Variants in KCNJ5 observed in about 807,000 individuals in gnomAD.
KCNJ5 encodes the protein G protein-activated inward rectifier potassium channel 4.
A neutral mutation model predicts 20.2 loss-of-function variants in KCNJ5; 12 were observed. That is an observed-to-expected ratio of 0.59 (90% CI 0.38 to 0.96). KCNJ5 has a LOEUF of 0.96. Ranked by LOEUF, KCNJ5 falls within the 40% of genes least tolerant of loss-of-function variation. The pLI is 0.00. For synonymous variants in KCNJ5, 210 were observed against 213.9 expected, an observed-to-expected ratio of 0.98 and a Z score of 0.16; for missense variants, 449 against 557.6, an observed-to-expected ratio of 0.81 and a Z score of 1.96.
chr11:128,905,229 C>T (rs1944381342), intron 1 of KCNJ5, among the ~76,000 whole-genome samples: 3 of 152,180 alleles, frequency 2.0e-5, no homozygotes. Context: ...GACAGGGCCT[C>T]TGTCTCCCCT....
chr11:128,904,386 CT>C (rs1944354422), intron 1 of KCNJ5: 6 of 1,610,772 alleles, frequency 3.7e-6, no homozygotes, highest in African/African-American at 1.3e-5. Flanking sequence ...AGACCAGGAA[CT>C]CCTTGCGGAC....
rs144062083 is a variant in KCNJ5, at chr11:128,911,428, G to A, written c.155G>A (p.Arg52His). 6.4e-5 allele frequency: 103 copies of A among 1,614,108 alleles called. No homozygotes were observed. The highest frequency in any genetic ancestry group is 8.6e-5 in the Non-Finnish European group (101 of 1,180,048). Reference sequence around the variant, plus strand: ...GCCGAGGGCAAGAAGCCACGCCAGCGCTACATGGAGAAGAGTGGCAAGTGC... The same window carrying A: ...GCCGAGGGCAAGAAGCCACGCCAGCACTACATGGAGAAGAGTGGCAAGTGC... The part of the protein sequence containing the change: ...LLAEGKKPRQ[R>H]YMEKSGKCNV... The change falls in exon 2 of 3, where the codon CGC (arginine) becomes CAC (histidine). Residue 52 changes from arginine (R) to histidine (H), a missense_variant. Arg to His is a conservative substitution (Grantham distance 29). Transcript: ENST00000529694. This position sits in a 1 kb window ranked among gnomAD's most constrained non-coding sequence, Gnocchi z 6.3.
At chr11:128,902,757 C>G in intron 1 of KCNJ5, 2 of 1,558,634 alleles carry the variant, frequency 1.3e-6, no homozygotes, top group African/African-American at 1.4e-5. Flanking sequence ...TTCAGTGGCA[C>G]TACCACAACT....
At chr11:128,898,038 G>A (rs1034882563) in intron 1 of KCNJ5, among the ~76,000 whole-genome samples, 2 of 152,174 alleles carry the variant, frequency 1.3e-5, no homozygotes, top group African/African-American at 4.8e-5. Flanking sequence ...CACATAGTCT[G>A]GAGTTTCCTC....
intron 1 of KCNJ5, among the ~76,000 whole-genome samples, chr11:128,905,323 A>G (rs954646242): frequency 6.6e-6 from 1 of 151,354 alleles, no homozygotes; most frequent in South Asian, 2.1e-4. Flanking sequence ...GCAGCTGGCC[A>G]GGGGGCCACA....
intron 1 of KCNJ5, among the ~76,000 whole-genome samples, chr11:128,893,939 C>T (rs1032509511): frequency 1.3e-5 from 2 of 152,228 alleles, no homozygotes; most frequent in African/African-American, 2.4e-5. Context: ...AAGCAAAATC[C>T]CTTTGGGGCT....
chr11:128,911,356 A>G lies in KCNJ5; in HGVS notation c.83A>G (p.Gln28Arg). 4 of 1,614,206 alleles carry G rather than the reference A, an allele frequency of 2.5e-6. No homozygotes were observed. Among genetic ancestry groups the G allele is most frequent in the Non-Finnish European group, 3.4e-6 (4 of 1,180,042 alleles). Reference protein sequence around the residue: ...TPWDPKKIPKQARDYVPIATD... With the variant: ...TPWDPKKIPKRARDYVPIATD... ...TGGGACCCCAAGAAGATTCCAAAAC[A>G]GGCCCGCGATTATGTCCCCATTGCC... Residue 28 changes from glutamine (Q) to arginine (R), a missense_variant, in exon 2 of 3, where the codon CAG becomes CGG. Around this residue, in one of 5 missense-constraint regions of KCNJ5, gnomAD observed 203 missense variants for 258.0 expected, o/e 0.79. Coordinates refer to ENST00000529694, the MANE Select transcript of KCNJ5 (RefSeq NM_000890.5). This position sits in a 1 kb window ranked among gnomAD's most constrained non-coding sequence, Gnocchi z 6.3.
chr11:128,904,694 C>T (rs1332675922), intron 1 of KCNJ5: 4 of 616,200 alleles, frequency 6.5e-6, no homozygotes, highest in South Asian at 3.7e-5. Context: ...GTGAGTCGAC[C>T]TCCTTCTATC....
chr11:128,910,802 T>A (rs11221510), intron 1 of KCNJ5, among the ~76,000 whole-genome samples: 29,518 of 152,194 alleles, frequency 0.19, 3,576 homozygotes, highest in Non-Finnish European at 0.28. Context: ...ACTGTTTGAA[T>A]TAAGCCTGAT....
At chr11:128,892,959 T>G (rs1490831131) in intron 1 of KCNJ5, among the ~76,000 whole-genome samples, 1 of 152,218 alleles carries the variant, frequency 6.6e-6, no homozygotes, top group Non-Finnish European at 1.5e-5. Flanking sequence ...AAAACTCTTG[T>G]CCTCTGGCTT....
Position 128,911,075 on chromosome 11 carries a change from T to C in KCNJ5, c.-10-189T>C. On this transcript the variant is annotated intron_variant, in intron 1 of 2. Coordinates refer to ENST00000529694, the MANE Select transcript of KCNJ5 (RefSeq NM_000890.5). The surrounding 1 kb of genome is among the most constrained non-coding windows in gnomAD (Gnocchi z 6.3). ...AGCATCTATTTTGTGCTAGACTCTG[T>C]ACTAGGCACCAGGGATACAAAAGAA... is the stretch of plus-strand genomic sequence containing the variant. 1 of 612,492 alleles carries C rather than the reference T, an allele frequency of 1.6e-6. No individual in the cohort carries two copies. The allele number at this position is 612,492 out of a possible 1,614,324, so 37.9% of individuals were successfully genotyped here. A position where few individuals can be genotyped will look rare whatever the true frequency, so the allele number is the denominator to read the frequency against.
chr11:128,895,031 T>TGG (rs1338342489), intron 1 of KCNJ5, among the ~76,000 whole-genome samples: 4 of 151,978 alleles, frequency 2.6e-5, no homozygotes, highest in African/African-American at 9.7e-5. Context: ...GCAACGGCAC[T>TGG]TCCTGGTCAC....
At chr11:128,905,094 C>T (rs1454420196) in intron 1 of KCNJ5, among the ~76,000 whole-genome samples, 2 of 152,238 alleles carry the variant, frequency 1.3e-5, no homozygotes, top group African/African-American at 4.8e-5. Context: ...TCCTGTCCAC[C>T]GGTGTGGCTT....
rs377321127 is a variant in KCNJ5 at position 128,912,047 on chromosome 11, C to T, written c.774C>T (p.Asn258=). 4.3e-6 allele frequency: 7 copies of T among 1,613,866 alleles called. No homozygotes were observed. The highest frequency in any genetic ancestry group is 2.7e-5 in the African/African-American group (2 of 74,928). The change falls in exon 2 of 3, where the codon AAC becomes AAT. Residue 258 remains asparagine (N), a synonymous_variant. Transcript: ENST00000529694. ...EFIPLNQTDI[N]VGFDTGDDRL... Reference sequence around the variant, plus strand: ...TCCCCCTGAACCAGACAGACATCAACGTGGGCTTTGACACGGGCGACGACC... The same window carrying T: ...TCCCCCTGAACCAGACAGACATCAATGTGGGCTTTGACACGGGCGACGACC...
chr11:128,902,787 T>G, intron 1 of KCNJ5: 1 of 1,488,864 alleles, frequency 6.7e-7, no homozygotes. Context: ...ACTCTCAGCC[T>G]AACTCACAAC....
chr11:128,896,309 T>C (rs1944175907), intron 1 of KCNJ5, among the ~76,000 whole-genome samples: 1 of 152,070 alleles, frequency 6.6e-6, no homozygotes, highest in African/African-American at 2.4e-5. Context: ...TCATCCAGTT[T>C]CTCTCAGCGG....
At chr11:128,902,414 T>C in intron 1 of KCNJ5, 1 of 1,064,074 alleles carries the variant, frequency 9.4e-7, no homozygotes, top group Non-Finnish European at 1.4e-6. Context: ...GACACTGTTC[T>C]CTGCAGCAGG....
intron 1 of KCNJ5, chr11:128,901,064 G>A (rs1048281517): frequency 1.3e-5 from 2 of 152,254 alleles, no homozygotes; most frequent in Non-Finnish European, 2.9e-5. Flanking sequence ...GACCCAGGGT[G>A]GTAACCTGTA....
At position 128,911,928 on chromosome 11, in the gene KCNJ5, T is replaced by G; in HGVS notation, c.655T>G (p.Phe219Val). ...GCGGGACGAGAAGCTGTGCCTCATG[T>G]TCCGGGTGGGCGACCTCCGCAACTC... is the stretch of plus-strand genomic sequence containing the variant. ...SMRDEKLCLMFRVGDLRNSHI... is the reference protein window; with the variant it reads ...SMRDEKLCLMVRVGDLRNSHI... Residue 219 changes from phenylalanine (F) to valine (V), a missense_variant, in exon 2 of 3, where the codon TTC becomes GTC. Physicochemically the swap from Phe to Val is conservative, Grantham distance 50. Coordinates refer to ENST00000529694, the MANE Select transcript of KCNJ5 (RefSeq NM_000890.5). The surrounding 1 kb of genome is among the most constrained non-coding windows in gnomAD (Gnocchi z 6.3). 2.5e-6 allele frequency: 4 copies of G among 1,601,754 alleles called. No individual in the cohort carries two copies. The highest frequency in any genetic ancestry group is 3.4e-6 in the Non-Finnish European group (4 of 1,171,900).
Sources: allele counts gnomAD v4.1 joint callset (sites outside exome capture counted in the v4.1 genomes callset), GRCh38; gene constraint gnomAD v4.1.1; regional missense constraint gnomAD v4.1.1; non-coding constraint Gnocchi (gnomAD v3.1); transcripts MANE v1.5; gene names NCBI Gene and HGNC (gene_info 2026-07-23, HGNC 2026-07-21).